COL20A1: variants seen among roughly 807,000 people sequenced by gnomAD.
COL20A1 encodes the protein collagen type XX alpha 1 chain.
A neutral mutation model predicts 152.9 loss-of-function variants in COL20A1; 164 were observed. The observed-to-expected ratio is 1.07, with a 90% CI of 0.94 to 1.22. The LOEUF is 1.22. Among genes scored for constraint, COL20A1 ranks in the 50% most tolerant of loss-of-function variants. The pLI is 0.00. For synonymous variants in COL20A1, 864 were observed against 756.0 expected, an observed-to-expected ratio of 1.14 and a Z score of -2.34; for missense variants, 1,873 against 1,744.8, an observed-to-expected ratio of 1.07 and a Z score of -1.31.
intron 3 of COL20A1, 85 bp downstream of exon 3, chr20:63,298,105 C>A: frequency 1.2e-6 from 1 of 812,208 alleles, no homozygotes; most frequent in Non-Finnish European, 2.0e-6. Flanking sequence ...ACCACTCAGG[C>A]CCACAGCATC....
intron 6 of COL20A1, 30 bp from the exon 7 acceptor site, chr20:63,307,939 ACT>A: frequency 6.2e-7 from 1 of 1,607,994 alleles, no homozygotes; most frequent in Non-Finnish European, 8.5e-7. Flanking sequence ...AGCATTGGAA[ACT>A]CAGCCCGTGG....
chr20:63,296,130 G>A (rs894493911), intron 2 of COL20A1, among the ~76,000 whole-genome samples: 4 of 152,280 alleles, frequency 2.6e-5, no homozygotes, highest in Non-Finnish European at 4.4e-5. Context: ...CGGGTTTCAC[G>A]GCTTGTCTTG....
intron 8 of COL20A1, among the ~76,000 whole-genome samples, chr20:63,308,986 C>T (rs1395910732): frequency 2.6e-5 from 4 of 152,208 alleles, no homozygotes; most frequent in African/African-American, 9.7e-5. Context: ...TGAGCAGCTC[C>T]AGCTGCCCCC....
Position 63,313,821 on chromosome 20 carries a change from C to T in COL20A1, c.2288C>T (p.Pro763Leu). ...TPDSLQVSWT[P>L]PLGRVLHYWL... ...GACAGCCTGCAGGTCAGCTGGACGC[C>T]CCCGCTTGGCCGCGTGCTCCATTAC... Residue 763 changes from proline to leucine, a missense_variant, in exon 18 of 36, where the codon CCC becomes CTC. Coordinates refer to ENST00000358894, the MANE Select transcript of COL20A1 (RefSeq NM_020882.4). This position sits in a 1 kb window ranked among gnomAD's most constrained non-coding sequence, Gnocchi z 5.9. 4.3e-6 allele frequency: 7 copies of T among 1,611,274 alleles called. No homozygotes were observed. Among genetic ancestry groups the T allele is most frequent in the Non-Finnish European group, 5.1e-6 (6 of 1,179,342 alleles).
rs2067929178 is a variant in COL20A1 at position 63,306,610 on chromosome 20, G to A, written c.496+571G>A. Among the ~76,000 whole-genome samples, 1 of 150,720 alleles carries A rather than the reference G, an allele frequency of 6.6e-6. No homozygotes were observed. The highest frequency in any genetic ancestry group is 1.5e-5 in the Non-Finnish European group (1 of 68,016). On this transcript the variant is annotated intron_variant, in intron 5 of 35. Transcript: ENST00000358894. This position sits in a 1 kb window ranked among gnomAD's most constrained non-coding sequence, Gnocchi z 6.9. Reference sequence around the variant, plus strand: ...GCCCAGCCGGCCCCAGGCGTGGAGAGGTAGAGCCACACCAGGACAGAAGAG... The same window carrying A: ...GCCCAGCCGGCCCCAGGCGTGGAGAAGTAGAGCCACACCAGGACAGAAGAG...
At chr20:63,326,893 A>G (rs933743395) in intron 31 of COL20A1, 70 bp downstream of exon 31, 30 of 1,127,508 alleles carry the variant, frequency 2.7e-5, no homozygotes, top group Middle Eastern at 3.9e-4. Flanking sequence ...CCCACATGCA[A>G]CCACTCAGGG....
Position 63,319,458 on chromosome 20 carries a change from TCTCACCTG to T in COL20A1, c.2807-25_2807-18del. 1 of 1,511,722 alleles carries T rather than the reference TCTCACCTG, an allele frequency of 6.6e-7. No individual in the cohort carries two copies. Among genetic ancestry groups the T allele is most frequent in the Non-Finnish European group, 9.0e-7 (1 of 1,111,692 alleles). 93.6% of individuals were successfully genotyped at this position (1,511,722 alleles called of 1,614,324 possible). A position where few individuals can be genotyped will look rare whatever the true frequency, so the allele number is the denominator to read the frequency against. ...ATAGGCCCGGCTGGTTGCAGCCCGT[TCTCACCTG>T]CTCCACCCCTTCCCTGGCAGCCGGG... is the stretch of plus-strand genomic sequence containing the variant. On this transcript the variant is annotated intron_variant, in intron 22 of 35. Transcript: ENST00000358894. This position sits in a 1 kb window ranked among gnomAD's most constrained non-coding sequence, Gnocchi z 4.4.
intron 14 of COL20A1, 26 bp downstream of exon 14, chr20:63,312,081 C>T (rs752194927): frequency 5.2e-6 from 8 of 1,529,104 alleles, no homozygotes; most frequent in East Asian, 2.3e-5. Flanking sequence ...TCCGGGGGCC[C>T]GAGTGTCTTG....
In COL20A1 at chr20:63,328,451, T is replaced by C; in HGVS notation, c.3734T>C (p.Leu1245Pro). The C allele has an allele frequency of 6.2e-7, 1 of 1,612,564 alleles. No homozygotes were observed. Among genetic ancestry groups the C allele is most frequent in the Non-Finnish European group, 8.5e-7 (1 of 1,179,724 alleles). ...LGSPGTRSKA[L>P]VPGEWGRGGR... ...TCCCCTGGCACCCGCAGCAAGGCCC[T>C]GGTTCCTGGAGAATGGGGGCGTGGT... is the stretch of plus-strand genomic sequence containing the variant. Residue 1245 changes from leucine to proline, a missense_variant, in exon 34 of 36, where the codon CTG (leucine) becomes CCG (proline). By Grantham distance (98) the Leu-to-Pro change is moderately conservative. Coordinates refer to ENST00000358894, the MANE Select transcript of COL20A1 (RefSeq NM_020882.4).
At position 63,326,161 on chromosome 20, in the gene COL20A1, C is replaced by A. The variant is rs976661392; in HGVS notation, c.3456+12C>A. On this transcript the variant is annotated intron_variant, in intron 30 of 35. Coordinates refer to ENST00000358894, the MANE Select transcript of COL20A1 (RefSeq NM_020882.4). The stretch of plus-strand genomic sequence containing the variant: ...CCCCTGGCCCCAGGGTAGGCACCGA[C>A]CTCCCATGACCCCGACCCCCACCCA... The A allele has an allele frequency of 1.9e-6, 3 of 1,606,378 alleles. No individual in the cohort carries two copies. The highest frequency in any genetic ancestry group is 1.1e-5 in the South Asian group (1 of 90,942).
chr20:63,332,498 C>G lies in COL20A1; in HGVS notation c.*1782C>G, dbSNP rs2068344981. 1 of 152,292 alleles carries G rather than the reference C, an allele frequency of 6.6e-6. No homozygotes were observed. The highest frequency in any genetic ancestry group is 1.5e-5 in the Non-Finnish European group (1 of 68,100). 9.4% of individuals were successfully genotyped at this position (152,292 alleles called of 1,614,324 possible). On this transcript the variant is annotated 3_prime_UTR_variant, in exon 36 of 36. Coordinates refer to ENST00000358894, the MANE Select transcript of COL20A1 (RefSeq NM_020882.4). The stretch of plus-strand genomic sequence containing the variant: ...CATGAGGCAGGAGTGGGGCTAGAAT[C>G]AAGCCCAGAGCCCACAGGGCATCCA...
chr20:63,320,249 C>T (rs1416294567), intron 24 of COL20A1, 42 bp from the exon 25 acceptor site: 2 of 1,605,244 alleles, frequency 1.2e-6, no homozygotes, highest in East Asian at 2.2e-5. Context: ...GGCTGGCAGC[C>T]TCTCTGAGCC....
At chr20:63,314,775 A>C (rs1004387487) in intron 19 of COL20A1, among the ~76,000 whole-genome samples, 2 of 151,614 alleles carry the variant, frequency 1.3e-5, no homozygotes, top group African/African-American at 2.4e-5. Context: ...GCATGCCCCC[A>C]GCCTGCCCGC....
chr20:63,328,180 C>T (rs1358122273), intron 33 of COL20A1, 53 bp downstream of exon 33: 3 of 1,599,882 alleles, frequency 1.9e-6, no homozygotes, highest in Non-Finnish European at 2.6e-6. Flanking sequence ...CCTGTGCCTA[C>T]CACACCTGTC....
intron 6 of COL20A1, 100 bp from the exon 7 acceptor site, chr20:63,307,871 C>T (rs2067948115): frequency 1.4e-6 from 2 of 1,443,420 alleles, no homozygotes; most frequent in East Asian, 2.4e-5. Flanking sequence ...CCAGGTGACC[C>T]CACAGAGGCA....
intron 31 of COL20A1, 197 bp from the exon 32 acceptor site, chr20:63,327,755 C>T: frequency 1.6e-6 from 1 of 607,226 alleles, no homozygotes; most frequent in Non-Finnish European, 2.9e-6. Flanking sequence ...CAGAACCGAG[C>T]CTCTCACATG....
rs1232706192 is a variant in COL20A1, at chr20:63,319,404, C to T, written c.2807-83C>T. On this transcript the variant is annotated intron_variant, in intron 22 of 35. Transcript: ENST00000358894. This position sits in a 1 kb window ranked among gnomAD's most constrained non-coding sequence, Gnocchi z 4.4. Reference sequence around the variant, plus strand: ...TTGGCACCCTCAGGGCTGCTCCTGTCCTGTCGTGGGGGCCGCCCTGCTCAA... The same window carrying T: ...TTGGCACCCTCAGGGCTGCTCCTGTTCTGTCGTGGGGGCCGCCCTGCTCAA... 5.1e-6 allele frequency: 6 copies of T among 1,183,056 alleles called. No individual in the cohort carries two copies. The African/African-American group carries it at 7.6e-5, about 15-fold the overall frequency. The allele number at this position is 1,183,056 out of a possible 1,614,324, so 73.3% of individuals were successfully genotyped here.
intron 21 of COL20A1, among the ~76,000 whole-genome samples, chr20:63,317,863 C>T (rs1426211415): frequency 6.6e-6 from 1 of 151,972 alleles, no homozygotes; most frequent in Non-Finnish European, 1.5e-5. Flanking sequence ...GGTGTAGACG[C>T]CCCCCGCCCC....
At chr20:63,302,613 G>A (rs758967035) in intron 3 of COL20A1, among the ~76,000 whole-genome samples, 7 of 152,130 alleles carry the variant, frequency 4.6e-5, no homozygotes, top group South Asian at 2.1e-4. Flanking sequence ...GAGTCACCGC[G>A]CCTGGTCTTG....
Sources: allele counts gnomAD v4.1 joint callset (sites outside exome capture counted in the v4.1 genomes callset), GRCh38; gene constraint gnomAD v4.1.1; non-coding constraint Gnocchi (gnomAD v3.1); transcripts MANE v1.5; gene names NCBI Gene and HGNC (gene_info 2026-07-23, HGNC 2026-07-21).